AMZ1: variants seen among roughly 807,000 people sequenced by gnomAD.
AMZ1 encodes the protein archaemetzincin-1.
A neutral mutation model predicts 29.9 loss-of-function variants in AMZ1; 39 were observed. The ratio of observed to expected loss-of-function variants is 1.30; its 90% CI spans 1.01 to 1.70. AMZ1 has a LOEUF of 1.70. Among genes scored for constraint, AMZ1 ranks in the 40% most tolerant of loss-of-function variants. AMZ1 has a pLI of 0.00. For synonymous variants in AMZ1, 458 were observed against 304.0 expected (o/e 1.51, Z -5.27); for missense variants, 1,041 against 680.6 (o/e 1.53, Z -5.89).
upstream of AMZ1, among the ~76,000 whole-genome samples, chr7:2,763,545 A>G (rs541136196): frequency 1.3e-5 from 2 of 152,336 alleles, no homozygotes; most frequent in Non-Finnish European, 2.9e-5. Flanking sequence ...CAGTGTCTCA[A>G]TTCTCAATGG....
chr7:2,688,950 T>A (rs1181320106), intron 1 of AMZ1, among the ~76,000 whole-genome samples: 1 of 152,202 alleles, frequency 6.6e-6, no homozygotes, highest in East Asian at 1.9e-4. Context: ...TCTGCCCCCA[T>A]CACGGGAGGG....
In AMZ1 at chr7:2,717,354, C is replaced by T. The variant is rs770029060; in HGVS notation, c.*4476C>T. On this transcript the variant is annotated 3_prime_UTR_variant, in exon 7 of 7. Coordinates refer to ENST00000683327, the MANE Select transcript of AMZ1 (RefSeq NM_001384743.1). ...TGCCTGCCTGTGTGCTGGAAGCAAA[C>T]GACGGCCCGTCCTCTAAGCTGGCTT... 2.0e-4 allele frequency among the ~76,000 whole-genome samples: 30 copies of T among 152,352 alleles called. No individual in the cohort carries two copies. Among genetic ancestry groups the T allele is most frequent in the Non-Finnish European group, 3.2e-4 (22 of 68,034 alleles).
chr7:2,725,066 G>C (rs1037813649), intron 4 of AMZ1, among the ~76,000 whole-genome samples: 1 of 152,222 alleles, frequency 6.6e-6, no homozygotes, highest in Non-Finnish European at 1.5e-5. Context: ...GGGGTATCTG[G>C]AACTCCCTCA....
intron 4 of AMZ1, among the ~76,000 whole-genome samples, chr7:2,754,921 C>A (rs1042731057): frequency 6.6e-6 from 1 of 152,202 alleles, no homozygotes; most frequent in Non-Finnish European, 1.5e-5. Flanking sequence ...TAGAGTTCTG[C>A]GCTTTACACT....
At chr7:2,702,426 C>G (rs571308742) in intron 2 of AMZ1, 1 of 409,794 alleles carries the variant, frequency 2.4e-6, no homozygotes, top group South Asian at 4.6e-5. Flanking sequence ...GGCGCTAACC[C>G]TAGAAGTCCC....
Position 2,731,809 on chromosome 7 carries a change from G to A in AMZ1, n.550+21993G>A. 1.1e-6 allele frequency: 1 copy of A among 886,484 alleles called. No homozygotes were observed. Among genetic ancestry groups the A allele is most frequent in the Non-Finnish European group, 1.6e-6 (1 of 613,510 alleles). 54.9% of individuals were successfully genotyped at this position (886,484 alleles called of 1,614,324 possible). A position where few individuals can be genotyped will look rare whatever the true frequency, so the allele number is the denominator to read the frequency against. ...GGAGGAAGAAAGAACAGAGAAAATA[G>A]AAACAAAAAGATGGCAAAAAGATAA... On this transcript the variant is annotated intron_variant and non_coding_transcript_variant, in intron 4 of 4. Transcript: ENST00000489665. This position sits in a 1 kb window ranked among gnomAD's most constrained non-coding sequence, Gnocchi z 6.0.
In AMZ1 at chr7:2,708,637, TG is replaced by T; in HGVS notation, c.523del (p.Val175CysfsTer53). The T allele has an allele frequency of 6.2e-7, 1 of 1,613,170 alleles. No individual in the cohort carries two copies. Reference protein sequence around the residue: ...KNNKPGDALCVLGLTLSDLYP... With the variant: ...KNNKPGDALCXLGLTLSDLYP... The stretch of plus-strand genomic sequence containing the variant: ...ACAACAAGCCAGGGGACGCGCTGTG[TG>T]TGCTGGGCCTCACACTGTCTGACCT... On this transcript the variant is annotated frameshift_variant, in exon 4 of 7. Coordinates refer to ENST00000683327, the MANE Select transcript of AMZ1 (RefSeq NM_001384743.1). LOFTEE classifies it high-confidence loss of function.
chr7:2,733,367 T>C (rs945626928), intron 4 of AMZ1: 4 of 1,112,218 alleles, frequency 3.6e-6, no homozygotes, highest in Non-Finnish European at 5.4e-6. Context: ...CCAGCCAAAG[T>C]CCTCACAACG....
intron 6 of AMZ1, among the ~76,000 whole-genome samples, chr7:2,711,114 G>GC (rs1034063753): frequency 3.3e-5 from 5 of 152,210 alleles, no homozygotes; most frequent in African/African-American, 1.2e-4. Context: ...TCCTCCTCCT[G>GC]CCCAGAGCTC....
chr7:2,712,805 G>A lies in AMZ1; in HGVS notation c.1424G>A (p.Arg475Lys), dbSNP rs1450791805. ...KVLGDKFSSL[R>K]RKLSARKLAR... ...CTGGGGGACAAGTTCTCCTCCCTGA[G>A]GAGGAAGCTGAGTGCCCGAAAACTC... Residue 475 changes from arginine to lysine, a missense_variant, in exon 7 of 7, where the codon AGG becomes AAG. By Grantham distance (26) the Arg-to-Lys change is conservative. Transcript: ENST00000683327. The A allele has an allele frequency of 7.8e-6, 12 of 1,542,546 alleles. No homozygotes were observed. In the South Asian group the frequency reaches 1.3e-4, roughly 16 times the overall value.
At chr7:2,761,186 C>T (rs1270501934), upstream of AMZ1, among the ~76,000 whole-genome samples, 1 of 152,224 alleles carries the variant, frequency 6.6e-6, no homozygotes, top group Non-Finnish European at 1.5e-5. Context: ...CCGTGCACGG[C>T]ACTGCGCAAA....
intron 4 of AMZ1, among the ~76,000 whole-genome samples, chr7:2,742,660 G>T (rs1053662963): frequency 6.6e-6 from 1 of 152,068 alleles, no homozygotes; most frequent in African/African-American, 2.4e-5. Flanking sequence ...CCCTGTCCCC[G>T]CAAACACCTG....
intron 3 of AMZ1, 83 bp from the exon 4 acceptor site, chr7:2,708,505 G>T: frequency 1.3e-6 from 2 of 1,580,866 alleles, no homozygotes; most frequent in Non-Finnish European, 1.7e-6. Context: ...CAGAGGAAGA[G>T]GATGACGGGG....
At chr7:2,726,356 C>A (rs773644068) in intron 4 of AMZ1, among the ~76,000 whole-genome samples, 8 of 152,220 alleles carry the variant, frequency 5.3e-5, no homozygotes, top group East Asian at 1.9e-4. Flanking sequence ...CTGGAAGGAA[C>A]CTCCCAGCTT....
Position 2,702,624 on chromosome 7 carries a change from TG to T in AMZ1, c.305-97del, listed in dbSNP as rs151215909. On this transcript the variant is annotated intron_variant, in intron 2 of 6. Coordinates refer to ENST00000683327, the MANE Select transcript of AMZ1 (RefSeq NM_001384743.1). ...TGTCAGGGTAGGTCCACATTGGCCTTGTTCACCCAGCAGGCCGGTGTCTGCG... is the reference window on the plus strand; with the variant it reads ...TGTCAGGGTAGGTCCACATTGGCCTTTTCACCCAGCAGGCCGGTGTCTGCG... 9,050 of 1,382,538 alleles carry T rather than the reference TG, an allele frequency of 6.5e-3. 463 individuals are homozygous for T. In the African/African-American group the frequency reaches 0.12, roughly 18 times the overall value. The allele number at this position is 1,382,538 out of a possible 1,614,324, so 85.6% of individuals were successfully genotyped here.
upstream of AMZ1, among the ~76,000 whole-genome samples, chr7:2,761,639 G>A (rs1172769747): frequency 6.6e-6 from 1 of 152,104 alleles, no homozygotes; most frequent in Non-Finnish European, 1.5e-5. Context: ...CTCTCAGGAC[G>A]GAACCCAAAG....
downstream of AMZ1, among the ~76,000 whole-genome samples, chr7:2,723,464 CCTT>C (rs934566805): frequency 6.6e-6 from 1 of 152,252 alleles, no homozygotes; most frequent in Non-Finnish European, 1.5e-5. Flanking sequence ...TTTGTACTGA[CCTT>C]CTTTGAGGAG....
rs976240594 is a variant in AMZ1 at position 2,717,660 on chromosome 7, T to G, written c.*4782T>G. Among the ~76,000 whole-genome samples, 6 of 152,192 alleles carry G rather than the reference T, an allele frequency of 3.9e-5. No individual in the cohort carries two copies. Among genetic ancestry groups the G allele is most frequent in the Non-Finnish European group, 7.3e-5 (5 of 68,030 alleles). ...ATCTAGGAAACACTTCCGGCTTGAC[T>G]GTAAAGAGCCCTGGCCTGCGAACGC... On this transcript the variant is annotated 3_prime_UTR_variant, in exon 7 of 7. Transcript: ENST00000683327.
At chr7:2,696,009 GGGGGAA>G (rs891117694) in intron 1 of AMZ1, among the ~76,000 whole-genome samples, 1 of 114,766 alleles carries the variant, frequency 8.7e-6, no homozygotes, top group East Asian at 2.2e-4. Flanking sequence ...ACTGTCTTGG[GGGGGAA>G]AAAAAAAAAA....
Sources: gnomAD v4.1 joint callset for allele counts (sites outside exome capture counted in the v4.1 genomes callset) on GRCh38, gnomAD v4.1.1 for gene constraint, Gnocchi (gnomAD v3.1) non-coding constraint, MANE v1.5 for transcripts, NCBI Gene and HGNC (gene_info 2026-07-23, HGNC 2026-07-21) for gene names.